CEP290: variants seen among roughly 807,000 people sequenced by gnomAD.
CEP290 encodes the protein centrosomal protein 290, also known as centrosomal protein of 290 kDa.
In CEP290, 317 loss-of-function variants were observed where a neutral mutation model predicts 344.9. That is an observed-to-expected ratio of 0.92 (90% confidence interval 0.84 to 1.01). The LOEUF is 1.01. Ranked by LOEUF, CEP290 falls within the 50% of genes least tolerant of loss-of-function variation. The pLI is 0.00. For missense variants in CEP290, 2,754 were observed against 2,761.4 expected, an observed-to-expected ratio of 1.00 and a Z score of 0.06; for synonymous variants, 932 against 895.8, an observed-to-expected ratio of 1.04 and a Z score of -0.72.
intron 26 of CEP290, among the ~76,000 whole-genome samples, 189 bp downstream of exon 26, chr12:88,102,646 TGTG>T (rs1352468989): frequency 1.3e-4 from 20 of 150,876 alleles, no homozygotes; most frequent in African/African-American, 4.6e-4. Flanking sequence ...ATATATTGTG[TGTG>T]TGTGTGTGTG....
intron 44 of CEP290, among the ~76,000 whole-genome samples, 152 bp from the exon 45 acceptor site, chr12:88,064,267 A>T (rs970176930): frequency 2.8e-5 from 4 of 142,738 alleles, no homozygotes; most frequent in Non-Finnish European, 6.1e-5. Context: ...CCAAAAATAA[A>T]TAAGTTAGAA....
chr12:88,049,923 A>G, intron 53 of CEP290: 1 of 161,422 alleles, frequency 6.2e-6, no homozygotes, highest in Non-Finnish European at 1.3e-5. Context: ...CTTAGTGACT[A>G]TTTAGAATAG....
Position 88,141,033 on chromosome 12 carries a change from C to T in CEP290, c.103G>A (p.Val35Met). The T allele has an allele frequency of 1.3e-6, 2 of 1,569,146 alleles. No homozygotes were observed. The highest frequency in any genetic ancestry group is 1.7e-6 in the Non-Finnish European group (2 of 1,160,484). ...ADNLLISLSK[V>M]EVNELKSEKQ... ...TCACTTTTTAGCTCATTTACTTCCA[C>T]CTAAGTAAACAGAAAAGCAACTGTT... Residue 35 changes from valine (V) to methionine (M), a missense_variant and splice_region_variant, in exon 3 of 54, where the codon GTG becomes ATG. By Grantham distance (21) the Val-to-Met change is conservative (BLOSUM62 1). Coordinates refer to ENST00000552810, the MANE Select transcript of CEP290 (RefSeq NM_025114.4).
chr12:88,054,311 CAA>C, intron 51 of CEP290, 27 bp downstream of exon 51: 2 of 1,458,780 alleles, frequency 1.4e-6, no homozygotes, highest in Admixed American at 2.2e-5. Flanking sequence ...AAGAAAAAAA[CAA>C]AGTAGTCATA....
intron 13 of CEP290, among the ~76,000 whole-genome samples, chr12:88,124,146 A>G (rs907812156): frequency 6.6e-6 from 1 of 152,044 alleles, no homozygotes; most frequent in African/African-American, 2.4e-5. Flanking sequence ...TATCATTTCT[A>G]TCTTCAGAAA....
rs1278326023 is a variant in CEP290 at position 88,111,732 on chromosome 12, T to C, written c.2179A>G (p.Ile727Val). Residue 727 changes from isoleucine to valine, a missense_variant, in exon 21 of 54, where the codon ATA becomes GTA. Ile to Val is a conservative substitution (Grantham distance 29). Coordinates refer to ENST00000552810, the MANE Select transcript of CEP290 (RefSeq NM_025114.4). Reference protein sequence around the residue: ...QELRESRKEAINYSQQLAKAN... With the variant: ...QELRESRKEAVNYSQQLAKAN... Reference sequence around the variant, plus strand: ...TTTGCCAACTGCTGTGAATAATTTATAGCCTCTTTCCGAGATTCCCTGAGC... The same window carrying C: ...TTTGCCAACTGCTGTGAATAATTTACAGCCTCTTTCCGAGATTCCCTGAGC... The C allele has an allele frequency of 2.5e-6, 4 of 1,602,182 alleles. No homozygotes were observed. In the South Asian group the frequency reaches 3.4e-5, roughly 14 times the overall value.
Position 88,090,837 on chromosome 12 carries a change from A to C in CEP290, c.3464T>G (p.Leu1155Arg). Reference sequence around the variant, plus strand: ...TCTGGCAATATCAGAAATCTCTCTCAGTCTAGGAAATGATAAGGTATTTCA... The same window carrying C: ...TCTGGCAATATCAGAAATCTCTCTCCGTCTAGGAAATGATAAGGTATTTCA... ...EMELKVEVSKLREISDIARRQ... is the reference protein window; with the variant it reads ...EMELKVEVSKRREISDIARRQ... Residue 1155 changes from leucine to arginine, a missense_variant and splice_region_variant, in exon 30 of 54, where the codon CTG becomes CGG. Leu to Arg is a moderately radical substitution (Grantham distance 102). Coordinates refer to ENST00000552810, the MANE Select transcript of CEP290 (RefSeq NM_025114.4). 1 of 1,536,010 alleles carries C rather than the reference A, an allele frequency of 6.5e-7. No individual in the cohort carries two copies. Among genetic ancestry groups the C allele is most frequent in the South Asian group, 1.2e-5 (1 of 83,120 alleles).
intron 37 of CEP290, among the ~76,000 whole-genome samples, chr12:88,080,924 A>T (rs1387841257): frequency 6.6e-6 from 1 of 152,176 alleles, no homozygotes; most frequent in East Asian, 1.9e-4. Flanking sequence ...CTAGTTTCTA[A>T]TATTTTTGGC....
chr12:88,089,413 A>G lies in CEP290; in HGVS notation c.3648T>C (p.Thr1216=). Residue 1216 remains threonine (T), a synonymous_variant, in exon 31 of 54, where the codon ACT becomes ACC. Transcript: ENST00000552810. ...TAATTGACTCCAACTTACCAAGAGC[A>G]GTAGCCTCACTCAGTTGAAGAGAGA... is the stretch of plus-strand genomic sequence containing the variant. ...HNVSLQLSEA[T]ALGKLESITS... 1 of 1,610,738 alleles carries G rather than the reference A, an allele frequency of 6.2e-7. No individual in the cohort carries two copies. Among genetic ancestry groups the G allele is most frequent in the African/African-American group, 1.3e-5 (1 of 75,030 alleles).
At chr12:88,136,606 G>T in intron 6 of CEP290, 37 bp downstream of exon 6, 1 of 1,602,816 alleles carries the variant, frequency 6.2e-7, no homozygotes, top group South Asian at 1.1e-5. Context: ...CAGGTAACTT[G>T]AACAGTGAAG....
Position 88,114,566 on chromosome 12 carries a change from T to C in CEP290, c.1910-4A>G, listed in dbSNP as rs2038923328. 7 of 1,532,642 alleles carry C rather than the reference T, an allele frequency of 4.6e-6. No individual in the cohort carries two copies. The highest frequency in any genetic ancestry group is 6.1e-6 in the Non-Finnish European group (7 of 1,138,894). The allele number at this position is 1,532,642 out of a possible 1,614,324, so 94.9% of individuals were successfully genotyped here. A position where few individuals can be genotyped will look rare whatever the true frequency, so the allele number is the denominator to read the frequency against. ...TTTTCTTCAACTAATTCTTTTACTG[T>C]AATTACACAGTTTTCTCATTGGATG... On this transcript the variant is annotated splice_polypyrimidine_tract_variant and splice_region_variant and intron_variant, in intron 19 of 53. Coordinates refer to ENST00000552810, the MANE Select transcript of CEP290 (RefSeq NM_025114.4).
At chr12:88,093,623 ATCTT>A (rs2037209235) in intron 28 of CEP290, 143 bp downstream of exon 28, 1 of 577,458 alleles carries the variant, frequency 1.7e-6, no homozygotes, top group Non-Finnish European at 2.9e-6. Context: ...TCAGATTTAA[ATCTT>A]TTATTTATTT....
chr12:88,122,350 A>C (rs2039456235), intron 13 of CEP290, among the ~76,000 whole-genome samples: 1 of 152,118 alleles, frequency 6.6e-6, no homozygotes, highest in South Asian at 2.1e-4. Context: ...CAGACATGAG[A>C]TAAAGCTGCA....
chr12:88,062,525 G>C (rs1263824875), intron 46 of CEP290, among the ~76,000 whole-genome samples, 167 bp downstream of exon 46: 3 of 152,150 alleles, frequency 2.0e-5, no homozygotes, highest in Non-Finnish European at 4.4e-5. Context: ...AAAATACTTT[G>C]AGACACATAG....
intron 30 of CEP290, among the ~76,000 whole-genome samples, chr12:88,089,808 C>T (rs1257195266): frequency 2.0e-5 from 3 of 149,700 alleles, no homozygotes; most frequent in African/African-American, 7.4e-5. Context: ...CTCACTGCAA[C>T]CTCCACCTCC....
At chr12:88,064,223 G>T (rs538591101) in intron 44 of CEP290, 108 bp from the exon 45 acceptor site, 63 of 915,068 alleles carry the variant, frequency 6.9e-5, no homozygotes, top group Middle Eastern at 3.4e-4. Context: ...TTTCCTCAAA[G>T]GAATATGAGA....
At chr12:88,103,269 T>C in intron 25 of CEP290, 1 of 220,072 alleles carries the variant, frequency 4.5e-6, no homozygotes, top group Non-Finnish European at 8.8e-6. Context: ...CTCAATTAAT[T>C]TGAGAAAACA....
chr12:88,070,190 T>C (rs1013445521), intron 43 of CEP290, among the ~76,000 whole-genome samples: 6 of 152,140 alleles, frequency 3.9e-5, no homozygotes, highest in African/African-American at 4.8e-5. Context: ...AGTAAATACA[T>C]TCAATCTTCT....
chr12:88,086,025 A>C lies in CEP290; in HGVS notation c.4437+14T>G. 1 of 1,598,892 alleles carries C rather than the reference A, an allele frequency of 6.3e-7. No homozygotes were observed. The highest frequency in any genetic ancestry group is 8.5e-7 in the Non-Finnish European group (1 of 1,172,080). ...AAATAATACACTAATCAAAATGCAA[A>C]TTCTTCTAATTACCTCTTCTAGTGA... On this transcript the variant is annotated intron_variant, in intron 34 of 53. Coordinates refer to ENST00000552810, the MANE Select transcript of CEP290 (RefSeq NM_025114.4).
Sources: gnomAD v4.1 joint callset for allele counts (sites outside exome capture counted in the v4.1 genomes callset) on GRCh38, gnomAD v4.1.1 for gene constraint, MANE v1.5 for transcripts, NCBI Gene and HGNC (gene_info 2026-07-23, HGNC 2026-07-21) for gene names.